The following ITGBL1 variants were observed in gnomAD, a reference collection of about 807,000 sequenced individuals.
The protein encoded by ITGBL1 is integrin subunit beta like 1.
A neutral mutation model predicts 68.5 loss-of-function variants in ITGBL1; 51 were observed. That is an observed-to-expected ratio of 0.74 (90% CI 0.59 to 0.94). ITGBL1 has a LOEUF of 0.94. ITGBL1 is among the 40% of genes least tolerant of loss of function. The pLI is 0.00. For synonymous variants in ITGBL1, 209 were observed against 227.3 expected (o/e 0.92, Z 0.72); for missense variants, 649 against 647.4 (o/e 1.00, Z -0.03).
At chr13:101,531,995 A>G (rs1040780487) in intron 2 of ITGBL1, among the ~76,000 whole-genome samples, 13 of 152,004 alleles carry the variant, frequency 8.6e-5, no homozygotes, top group African/African-American at 2.9e-4. Flanking sequence ...CGGCCTCCCA[A>G]AGTGCTGGGA....
intron 7 of ITGBL1, among the ~76,000 whole-genome samples, chr13:101,604,571 C>T (rs1322955386): frequency 6.6e-6 from 1 of 151,242 alleles, no homozygotes; most frequent in Non-Finnish European, 1.5e-5. Flanking sequence ...CAGTTGAGTG[C>T]CTTTGGTCAA....
Position 101,646,422 on chromosome 13 carries a change from TA to T in ITGBL1, c.1016-46155del, listed in dbSNP as rs34950967. 5.3e-5 allele frequency among the ~76,000 whole-genome samples: 8 copies of T among 152,028 alleles called. No individual in the cohort carries two copies. The East Asian group carries it at 5.8e-4, about 11-fold the overall frequency. On this transcript the variant is annotated intron_variant, in intron 7 of 10. Coordinates refer to ENST00000376180, the MANE Select transcript of ITGBL1 (RefSeq NM_004791.3). ...CTTAAGAAATAACTTACCCAAAGGTTAAAAAAAAGTAATTAAAATGTATATA... is the reference window on the plus strand; with the variant it reads ...CTTAAGAAATAACTTACCCAAAGGTTAAAAAAAGTAATTAAAATGTATATA...
At chr13:101,564,018 T>C (rs1289090427) in intron 2 of ITGBL1, among the ~76,000 whole-genome samples, 1 of 152,018 alleles carries the variant, frequency 6.6e-6, no homozygotes, top group East Asian at 1.9e-4. Context: ...AATCAACCAA[T>C]GTATTTCACT....
At chr13:101,543,826 T>C (rs2049761104) in intron 2 of ITGBL1, among the ~76,000 whole-genome samples, 1 of 152,224 alleles carries the variant, frequency 6.6e-6, no homozygotes, top group South Asian at 2.1e-4. Flanking sequence ...CTGATACCCT[T>C]TCTTCCAGTT....
intron 2 of ITGBL1, among the ~76,000 whole-genome samples, chr13:101,490,518 G>A (rs865996494): frequency 6.6e-6 from 1 of 152,182 alleles, no homozygotes; most frequent in South Asian, 2.1e-4. Flanking sequence ...TACTAACAGG[G>A]CTGTGAGTAA....
At chr13:101,545,966 A>G (rs2049815043) in intron 2 of ITGBL1, among the ~76,000 whole-genome samples, 1 of 152,244 alleles carries the variant, frequency 6.6e-6, no homozygotes, top group Admixed American at 6.5e-5. Context: ...TTTTTAAAAT[A>G]ATCATACAAT....
rs1298499568 is a variant in ITGBL1 at position 101,583,211 on chromosome 13, C to T, written c.728-5C>T. The T allele has an allele frequency of 5.6e-6, 9 of 1,612,832 alleles. No individual in the cohort carries two copies. The East Asian group carries it at 1.6e-4, about 28-fold the overall frequency. ...GATTCTTATAAAATTCTTCTTCCCA[C>T]CTAGGGACTTGTGTATGTGGTGAAT... On this transcript the variant is annotated splice_polypyrimidine_tract_variant and splice_region_variant and intron_variant, in intron 5 of 10. Transcript: ENST00000376180.
rs778786596 is a variant in ITGBL1, at chr13:101,567,756, C to T, written c.374C>T (p.Ala125Val). The T allele has an allele frequency of 1.2e-6, 2 of 1,613,332 alleles. No individual in the cohort carries two copies. The highest frequency in any genetic ancestry group is 3.3e-5 in the Admixed American group (2 of 59,962). ...TGTGACCAGGGATGGTATGGGGATG[C>T]TTGCCAGTACCCAACTAACTGTGAC... is the stretch of plus-strand genomic sequence containing the variant. ...CKCDQGWYGDACQYPTNCDLT... is the reference protein window; with the variant it reads ...CKCDQGWYGDVCQYPTNCDLT... The change falls in exon 3 of 11, where the codon GCT (alanine) becomes GTT (valine). Residue 125 changes from alanine to valine, a missense_variant. Physicochemically the swap from Ala to Val is moderately conservative, Grantham distance 64. Coordinates refer to ENST00000376180, the MANE Select transcript of ITGBL1 (RefSeq NM_004791.3).
At chr13:101,543,172 G>A (rs1190532435) in intron 2 of ITGBL1, among the ~76,000 whole-genome samples, 2 of 152,052 alleles carry the variant, frequency 1.3e-5, no homozygotes, top group East Asian at 1.9e-4. Context: ...TTACAATTTG[G>A]CATTTTTTTG....
intron 6 of ITGBL1, 151 bp downstream of exon 6, chr13:101,583,507 T>C (rs2050500002): frequency 7.1e-6 from 4 of 562,010 alleles, no homozygotes; most frequent in Non-Finnish European, 1.2e-5. Flanking sequence ...AATTGTACAT[T>C]TTTAAATAAT....
chr13:101,658,146 A>G (rs559662887), intron 7 of ITGBL1, among the ~76,000 whole-genome samples: 1 of 152,334 alleles, frequency 6.6e-6, no homozygotes, highest in South Asian at 2.1e-4. Context: ...GGTACCAAAT[A>G]TGTATGCTCC....
intron 2 of ITGBL1, among the ~76,000 whole-genome samples, chr13:101,502,254 A>G (rs1313836091): frequency 6.6e-6 from 1 of 152,224 alleles, no homozygotes; most frequent in Non-Finnish European, 1.5e-5. Context: ...GAAACCACAT[A>G]GGACCATGTG....
rs1005757973 is a variant in ITGBL1 at position 101,452,925 on chromosome 13, C to A, written c.92C>A (p.Ser31Tyr). 3 of 1,613,988 alleles carry A rather than the reference C, an allele frequency of 1.9e-6. No homozygotes were observed. The highest frequency in any genetic ancestry group is 2.5e-6 in the Non-Finnish European group (3 of 1,179,842). ...GCTGTTCCTCAAAGCTTCTCGCCAT[C>A]TCTGAGGTAAGTTTGGTTTGTTATT... Reference protein sequence around the residue: ...LSAVPQSFSPSLRSWPGAACR... With the variant: ...LSAVPQSFSPYLRSWPGAACR... The change falls in exon 1 of 11, where the codon TCT (serine) becomes TAT (tyrosine). Residue 31 changes from serine to tyrosine, a missense_variant. By Grantham distance (144) the Ser-to-Tyr change is moderately radical. Transcript: ENST00000376180.
At chr13:101,635,111 T>A (rs949800022) in intron 7 of ITGBL1, among the ~76,000 whole-genome samples, 1 of 152,070 alleles carries the variant, frequency 6.6e-6, no homozygotes, top group African/African-American at 2.4e-5. Context: ...AAAATGAGAA[T>A]GTACAATTAT....
chr13:101,453,310 A>G (rs555893212), intron 1 of ITGBL1, among the ~76,000 whole-genome samples: 1 of 152,328 alleles, frequency 6.6e-6, no homozygotes, highest in African/African-American at 2.4e-5. Flanking sequence ...TCATCCTGAA[A>G]GAGACTGAGT....
At chr13:101,667,387 T>G (rs1015675343) in intron 7 of ITGBL1, among the ~76,000 whole-genome samples, 1 of 151,892 alleles carries the variant, frequency 6.6e-6, no homozygotes, top group African/African-American at 2.4e-5. Flanking sequence ...GAAACTAAAA[T>G]AGGTCAAAGT....
chr13:101,459,617 G>A (rs370348279), intron 2 of ITGBL1, among the ~76,000 whole-genome samples: 8 of 152,128 alleles, frequency 5.3e-5, no homozygotes, highest in Admixed American at 3.9e-4. Flanking sequence ...GTGCACACCT[G>A]TAGTCCCAGC....
intron 2 of ITGBL1, among the ~76,000 whole-genome samples, chr13:101,497,734 C>T (rs1174811089): frequency 3.3e-5 from 5 of 152,166 alleles, no homozygotes; most frequent in South Asian, 2.1e-4. Context: ...GACCATGTCA[C>T]GCTCCTTAAG....
At chr13:101,642,398 G>A (rs1051495986) in intron 7 of ITGBL1, among the ~76,000 whole-genome samples, 6 of 152,072 alleles carry the variant, frequency 3.9e-5, no homozygotes, top group African/African-American at 1.4e-4. Context: ...TCGCCCACTT[G>A]TTGATGGGGT....
Sources: allele counts gnomAD v4.1 joint callset (sites outside exome capture counted in the v4.1 genomes callset), GRCh38; gene constraint gnomAD v4.1.1; transcripts MANE v1.5; gene names NCBI Gene and HGNC (gene_info 2026-07-23, HGNC 2026-07-21).